CCNE1: variants seen among roughly 807,000 people sequenced by gnomAD.
CCNE1 encodes the protein G1/S-specific cyclin-E1.
A neutral mutation model predicts 54.1 loss-of-function variants in CCNE1; 8 were observed. The ratio of observed to expected loss-of-function variants is 0.15; its 90% CI spans 0.09 to 0.27. The LOEUF (loss-of-function observed/expected upper bound fraction) is 0.27, where lower values mean the gene tolerates loss of function less well. Among genes scored for constraint, CCNE1 ranks in the 10% least tolerant of loss-of-function variants. CCNE1 has a pLI of 1.00. For missense variants in CCNE1, 430 were observed against 514.9 expected (o/e 0.84, Z 1.60); for synonymous variants, 179 against 185.2 (o/e 0.97, Z 0.27).
chr19:29,812,687 A>C lies in CCNE1; in HGVS notation c.24-2A>C. On this transcript the variant is annotated splice_acceptor_variant, in intron 2 of 11. Transcript: ENST00000262643. LOFTEE classifies it high-confidence loss of function. Reference sequence around the variant, plus strand: ...CCGGCCCGGTGCCACCCGGGTCCACAGGGATGCGAAGGAGCGGGACACCAT... The same window carrying C: ...CCGGCCCGGTGCCACCCGGGTCCACCGGGATGCGAAGGAGCGGGACACCAT... 6.3e-7 allele frequency: 1 copy of C among 1,584,218 alleles called. No homozygotes were observed. Among genetic ancestry groups the C allele is most frequent in the Non-Finnish European group, 8.6e-7 (1 of 1,167,400 alleles).
intron 11 of CCNE1, among the ~76,000 whole-genome samples, chr19:29,822,945 A>C (rs544734403): frequency 3.6e-3 from 224 of 62,680 alleles, no homozygotes; most frequent in African/African-American, 0.019. Flanking sequence ...CTATGTCTCA[A>C]AAAAAAAAAA....
chr19:29,823,160 A>T (rs915712546), intron 11 of CCNE1, among the ~76,000 whole-genome samples: 38 of 152,246 alleles, frequency 2.5e-4, no homozygotes, highest in Non-Finnish European at 2.2e-4. Context: ...GGCCAGACAC[A>T]GTGGCTTTTG....
At chr19:29,822,999 A>G (rs1974188913) in intron 11 of CCNE1, among the ~76,000 whole-genome samples, 1 of 151,986 alleles carries the variant, frequency 6.6e-6, no homozygotes, top group South Asian at 2.1e-4. Context: ...CAGGCCCCAA[A>G]TATCCTTGAA....
chr19:29,814,131 TTTCA>T (rs1479656954), intron 4 of CCNE1, among the ~76,000 whole-genome samples: 1 of 152,190 alleles, frequency 6.6e-6, no homozygotes, highest in Non-Finnish European at 1.5e-5. Context: ...TGATTTCCTT[TTTCA>T]TTCAAAGAAA....
At chr19:29,821,617 C>G (rs1310827479) in intron 7 of CCNE1, 105 bp from the exon 8 acceptor site, 1 of 459,392 alleles carries the variant, frequency 2.2e-6, no homozygotes, top group African/African-American at 2.1e-5. Context: ...AGTGCGCCCT[C>G]TCTCTTTCCA....
intron 6 of CCNE1, among the ~76,000 whole-genome samples, chr19:29,820,109 T>A (rs1203321730): frequency 3.9e-5 from 6 of 152,230 alleles, no homozygotes; most frequent in African/African-American, 1.4e-4. Context: ...AGCACTGCTG[T>A]GCTGTGACAG....
At chr19:29,812,382 G>T (rs1973910055) in intron 1 of CCNE1, 150 bp from the exon 2 acceptor site, 2 of 404,328 alleles carry the variant, frequency 4.9e-6, no homozygotes, top group Non-Finnish European at 3.9e-6. Flanking sequence ...ACCCCGGGTC[G>T]GGGGTCGGCG....
intron 6 of CCNE1, among the ~76,000 whole-genome samples, chr19:29,817,857 CTTTT>C (rs34598025): frequency 1.9e-4 from 18 of 95,904 alleles, no homozygotes; most frequent in African/African-American, 7.2e-4. Context: ...CATTAAATTG[CTTTT>C]TTTTTTTTTT....
In CCNE1 at chr19:29,823,637, T is replaced by A. The variant is rs2145732122; in HGVS notation, c.1111-18T>A. ...ATGTTCTACTCTAATGTGTTGTCCC[T>A]TTTATTCTTACCAACAGGACAAAGC... On this transcript the variant is annotated intron_variant, in intron 11 of 11. Transcript: ENST00000262643. The A allele has an allele frequency of 6.2e-7, 1 of 1,611,286 alleles. No individual in the cohort carries two copies. The highest frequency in any genetic ancestry group is 8.5e-7 in the Non-Finnish European group (1 of 1,178,072).
At chr19:29,819,390 C>T (rs1974100107) in intron 6 of CCNE1, among the ~76,000 whole-genome samples, 1 of 151,984 alleles carries the variant, frequency 6.6e-6, no homozygotes, top group African/African-American at 2.4e-5. Flanking sequence ...TCAAGCAGTC[C>T]TCCCACCTCA....
At position 29,817,083 on chromosome 19, in the gene CCNE1, T is replaced by C; in HGVS notation, c.181-54T>C. The C allele has an allele frequency of 1.9e-6, 3 of 1,575,004 alleles. No homozygotes were observed. The South Asian group carries it at 3.4e-5, about 18-fold the overall frequency. ...GTGAATTTGTAATGTTTTTGGGTAA[T>C]GTAAGAGCTGTTTGCATCTTATCTC... On this transcript the variant is annotated intron_variant, in intron 4 of 11. Coordinates refer to ENST00000262643, the MANE Select transcript of CCNE1 (RefSeq NM_001238.4).
At chr19:29,813,193 TG>T (rs1568366634) in intron 4 of CCNE1, 156 bp downstream of exon 4, 1 of 649,500 alleles carries the variant, frequency 1.5e-6, no homozygotes, top group Non-Finnish European at 2.7e-6. Flanking sequence ...TACCTGTCAG[TG>T]GGCACTGGCC....
At position 29,812,717 on chromosome 19, in the gene CCNE1, G is replaced by C; in HGVS notation, c.52G>C (p.Glu18Gln). ...RDAKERDTMK[E>Q]DGGAEFSARS... ...TGCGAAGGAGCGGGACACCATGAAG[G>C]AGGACGGCGGCGCGGAGTTCTCGGC... Residue 18 changes from glutamate to glutamine, a missense_variant, in exon 3 of 12, where the codon GAG becomes CAG. Glu to Gln is a conservative substitution (Grantham distance 29). This residue lies in a region of CCNE1 where 127 missense variants were observed against 113.8 expected (regional missense o/e 1.12). Coordinates refer to ENST00000262643, the MANE Select transcript of CCNE1 (RefSeq NM_001238.4). The C allele has an allele frequency of 6.3e-7, 1 of 1,594,102 alleles. No homozygotes were observed. Among genetic ancestry groups the C allele is most frequent in the Non-Finnish European group, 8.5e-7 (1 of 1,172,384 alleles).
intron 4 of CCNE1, among the ~76,000 whole-genome samples, chr19:29,816,555 T>C (rs1265490997): frequency 1.3e-5 from 2 of 152,254 alleles, no homozygotes; most frequent in East Asian, 3.9e-4. Flanking sequence ...GTTCATTCTG[T>C]TTGTTTCGAG....
At chr19:29,812,838 G>A in intron 3 of CCNE1, 62 bp downstream of exon 3, 1 of 1,587,736 alleles carries the variant, frequency 6.3e-7, no homozygotes, top group South Asian at 1.1e-5. Flanking sequence ...ACCCGACTTG[G>A]CTCTGCCTAC....
intron 6 of CCNE1, among the ~76,000 whole-genome samples, chr19:29,819,760 C>T (rs1276357318): frequency 2.0e-5 from 3 of 152,204 alleles, no homozygotes; most frequent in Non-Finnish European, 2.9e-5. Context: ...GCTTCCTAGA[C>T]AACCTTGTAA....
intron 7 of CCNE1, among the ~76,000 whole-genome samples, chr19:29,821,424 A>C (rs1974142368): frequency 6.6e-6 from 1 of 152,112 alleles, no homozygotes; most frequent in East Asian, 1.9e-4. Context: ...GTGTATGATT[A>C]TCAAAGGGTA....
intron 4 of CCNE1, among the ~76,000 whole-genome samples, chr19:29,814,133 T>G (rs1231805093): frequency 6.6e-6 from 1 of 152,166 alleles, no homozygotes; most frequent in Admixed American, 6.6e-5. Flanking sequence ...ATTTCCTTTT[T>G]CATTCAAAGA....
At chr19:29,813,101 A>G (rs974274069) in intron 4 of CCNE1, 64 bp downstream of exon 4, 19 of 1,437,834 alleles carry the variant, frequency 1.3e-5, no homozygotes, top group Non-Finnish European at 1.8e-5. Context: ...ATGGGGTTTC[A>G]TGCTGTCTTG....
Sources: gnomAD v4.1 joint callset for allele counts (sites outside exome capture counted in the v4.1 genomes callset) on GRCh38, gnomAD v4.1.1 for gene constraint, gnomAD v4.1.1 regional missense constraint, MANE v1.5 for transcripts, NCBI Gene and HGNC (gene_info 2026-07-23, HGNC 2026-07-21) for gene names.